Variants in AAGAB observed in about 807,000 individuals in gnomAD.
AAGAB encodes alpha- and gamma-adaptin-binding protein p34.
In AAGAB, 38 loss-of-function variants were observed where a neutral mutation model predicts 44.1. That is an observed-to-expected ratio of 0.86 (90% CI 0.67 to 1.13). AAGAB has a LOEUF of 1.13. Ranked by LOEUF, AAGAB falls within the 50% of genes most tolerant of loss-of-function variation. AAGAB has a pLI of 0.00. For synonymous variants in AAGAB, 131 were observed against 131.8 expected (o/e 0.99, Z 0.04); for missense variants, 450 against 373.8 (o/e 1.20, Z -1.68).
chr15:67,235,946 T>C (rs1567026846), intron 4 of AAGAB, 33 bp downstream of exon 4: 1 of 1,400,018 alleles, frequency 7.1e-7, no homozygotes, highest in Non-Finnish European at 1.0e-6. Flanking sequence ...CATATCTAAG[T>C]GCCATATTTT....
chr15:67,204,190 A>G lies in AAGAB; in HGVS notation c.716-42T>C, dbSNP rs146169842. 2,660 of 1,360,834 alleles carry G rather than the reference A, an allele frequency of 2.0e-3. 29 individuals carry two copies. The African/African-American group carries it at 0.029, about 15-fold the overall frequency. 84.3% of individuals were successfully genotyped at this position (1,360,834 alleles called of 1,614,324 possible). ...TCACATTATCTGTCACGTTATTTGC[A>G]TATGTGCTACACTCAGAGAATCCTA... On this transcript the variant is annotated intron_variant, in intron 7 of 9. Transcript: ENST00000261880.
intron 4 of AAGAB, among the ~76,000 whole-genome samples, chr15:67,234,970 G>T (rs1964427714): frequency 6.6e-6 from 1 of 152,182 alleles, no homozygotes; most frequent in Admixed American, 6.5e-5. Context: ...AATAAAACCA[G>T]AATATAGAAA....
At chr15:67,203,007 A>C in intron 9 of AAGAB, 109 bp from the exon 10 acceptor site, 1 of 954,876 alleles carries the variant, frequency 1.0e-6, no homozygotes, top group Non-Finnish European at 1.7e-6. Flanking sequence ...TTTGCCCTCC[A>C]GTCCTCTGGC....
intron 1 of AAGAB, among the ~76,000 whole-genome samples, chr15:67,251,222 GTGTGTGTGTGTGTC>G (rs1964862261): frequency 6.8e-6 from 1 of 146,136 alleles, no homozygotes; most frequent in South Asian, 2.3e-4. Flanking sequence ...GTGCGTGTGT[GTGTGTGTGTGTGTC>G]TGTGTGTGTG....
Position 67,231,814 on chromosome 15 carries a change from CA to C in AAGAB, c.534del (p.Asn178LysfsTer13), listed in dbSNP as rs1464294261. 1 of 1,608,524 alleles carries C rather than the reference CA, an allele frequency of 6.2e-7. No individual in the cohort carries two copies. The highest frequency in any genetic ancestry group is 8.5e-7 in the Non-Finnish European group (1 of 1,175,424). On this transcript the variant is annotated frameshift_variant and splice_region_variant, in exon 5 of 10. Coordinates refer to ENST00000261880, the MANE Select transcript of AAGAB (RefSeq NM_024666.5). LOFTEE classifies it high-confidence loss of function. ...ANVWSNVVMK[N>X]DRNQGFSLLN... ...ATGACTTGAGTCCCAAGTTACTTAC[CA>C]TTCTTCATCACTACATTGGACCACA...
rs371342150 is a variant in AAGAB, at chr15:67,254,615, G to A, written c.17C>T (p.Pro6Leu). ...GGAGCAGCTGGTGACTAACGCACAG[G>A]GTACGCCAGCAGCCATAGCTGCGCT... The part of the protein sequence containing the change: MAAGV[P>L]CALVTSCSSV... Residue 6 changes from proline (P) to leucine (L), a missense_variant, in exon 1 of 10, where the codon CCC (proline) becomes CTC (leucine). Physicochemically the swap from Pro to Leu is moderately conservative, Grantham distance 98 (BLOSUM62 -3). Transcript: ENST00000261880. 2.7e-5 allele frequency: 44 copies of A among 1,606,178 alleles called. No individual in the cohort carries two copies. Among genetic ancestry groups the A allele is most frequent in the African/African-American group, 8.0e-5 (6 of 74,810 alleles).
chr15:67,207,121 C>G (rs1012774880), intron 7 of AAGAB, among the ~76,000 whole-genome samples: 2 of 152,144 alleles, frequency 1.3e-5, no homozygotes, highest in African/African-American at 2.4e-5. Context: ...ACCCAGGAAG[C>G]GAGATTGCGG....
chr15:67,219,233 A>G (rs1001762883), intron 5 of AAGAB, among the ~76,000 whole-genome samples: 11 of 152,232 alleles, frequency 7.2e-5, no homozygotes, highest in Non-Finnish European at 1.5e-4. Flanking sequence ...TGAAATATTA[A>G]TACTACAGAT....
At chr15:67,208,746 T>C (rs1014862723) in intron 6 of AAGAB, 88 bp from the exon 7 acceptor site, 27 of 1,176,692 alleles carry the variant, frequency 2.3e-5, no homozygotes, top group Middle Eastern at 2.7e-4. Context: ...CAGTCCTTGG[T>C]TGGCTTGAGA....
rs144748127 is a variant in AAGAB at position 67,206,483 on chromosome 15, C to T, written c.715+2079G>A. Among the ~76,000 whole-genome samples, 432 of 152,304 alleles carry T rather than the reference C, an allele frequency of 2.8e-3. 1 individual carries two copies. The highest frequency in any genetic ancestry group is 9.9e-3 in the African/African-American group (411 of 41,562). The stretch of plus-strand genomic sequence containing the variant: ...TCACCTATGCTACCAAGAACTATTA[C>T]TGTGTTTTGTGCCTAATGATGGCTT... On this transcript the variant is annotated intron_variant, in intron 7 of 9. Coordinates refer to ENST00000261880, the MANE Select transcript of AAGAB (RefSeq NM_024666.5).
At chr15:67,215,515 G>C (rs1425109533) in intron 5 of AAGAB, among the ~76,000 whole-genome samples, 1 of 152,074 alleles carries the variant, frequency 6.6e-6, no homozygotes, top group Non-Finnish European at 1.5e-5. Context: ...ATCATCTTAA[G>C]AAGTTTTTTC....
chr15:67,221,466 G>A (rs973076998), intron 5 of AAGAB, among the ~76,000 whole-genome samples: 2 of 152,150 alleles, frequency 1.3e-5, no homozygotes, highest in African/African-American at 2.4e-5. Flanking sequence ...AAAGCATTCC[G>A]CCAAAAAGGG....
chr15:67,251,715 T>A (rs1022643000), intron 1 of AAGAB, among the ~76,000 whole-genome samples: 1 of 152,160 alleles, frequency 6.6e-6, no homozygotes, highest in African/African-American at 2.4e-5. Context: ...CCCAAAAAGG[T>A]AGATCCAATT....
chr15:67,254,971 C>T (rs1191782145), upstream of AAGAB: 3 of 1,606,558 alleles, frequency 1.9e-6, no homozygotes, highest in South Asian at 1.1e-5. Flanking sequence ...TTCCCCCGGC[C>T]CTGCCCTGCC....
At chr15:67,204,664 A>G (rs927755384) in intron 7 of AAGAB, among the ~76,000 whole-genome samples, 2 of 152,240 alleles carry the variant, frequency 1.3e-5, no homozygotes, top group African/African-American at 4.8e-5. Context: ...AAATGAACTC[A>G]TCTAAAATTA....
At chr15:67,236,923 C>A (rs1964484871) in intron 1 of AAGAB, 103 bp from the exon 2 acceptor site, 1 of 890,872 alleles carries the variant, frequency 1.1e-6, no homozygotes, top group African/African-American at 1.7e-5. Context: ...TTGCTGTTTC[C>A]TTTTATGTGA....
At chr15:67,233,800 G>C (rs1286384009) in intron 4 of AAGAB, among the ~76,000 whole-genome samples, 2 of 152,128 alleles carry the variant, frequency 1.3e-5, no homozygotes, top group African/African-American at 4.8e-5. Flanking sequence ...AAAACTCCTT[G>C]ACGGCAGGAA....
chr15:67,205,313 T>C (rs149399899), intron 7 of AAGAB, among the ~76,000 whole-genome samples: 42 of 152,364 alleles, frequency 2.8e-4, no homozygotes, highest in Non-Finnish European at 5.3e-4. Flanking sequence ...TAAAAACGCA[T>C]CTTGGTTAAT....
chr15:67,225,745 A>G (rs1010913530), intron 5 of AAGAB, among the ~76,000 whole-genome samples: 4 of 152,230 alleles, frequency 2.6e-5, no homozygotes, highest in African/African-American at 9.6e-5. Context: ...TTATGATTGA[A>G]TAACAGTCCA....
Sources: gnomAD v4.1 joint callset for allele counts (sites outside exome capture counted in the v4.1 genomes callset) on GRCh38, gnomAD v4.1.1 for gene constraint, MANE v1.5 for transcripts, NCBI Gene and HGNC (gene_info 2026-07-23, HGNC 2026-07-21) for gene names.